Variants in TAGLN2 observed in about 807,000 individuals in gnomAD.
The protein encoded by TAGLN2 is transgelin-2.
In TAGLN2, 14 loss-of-function variants were observed where a neutral mutation model predicts 24.9. The ratio of observed to expected loss-of-function variants is 0.56; its 90% CI spans 0.37 to 0.88. TAGLN2 has a LOEUF of 0.88. Among genes scored for constraint, TAGLN2 ranks in the 40% least tolerant of loss-of-function variants. The probability of loss-of-function intolerance (pLI) is 0.00; values close to 1 mark genes in which losing one functional copy is unlikely to be tolerated. For synonymous variants in TAGLN2, 77 were observed against 98.2 expected (o/e 0.78, Z 1.28); for missense variants, 208 against 258.9 (o/e 0.80, Z 1.35).
intron 1 of TAGLN2, among the ~76,000 whole-genome samples, chr1:159,921,262 A>G (rs533190929): frequency 6.6e-6 from 1 of 152,350 alleles, no homozygotes; most frequent in East Asian, 1.9e-4. Context: ...AGATGTGATT[A>G]AGATCTCGAA....
At chr1:159,921,775 C>T (rs1186690973) in intron 1 of TAGLN2, among the ~76,000 whole-genome samples, 3 of 152,192 alleles carry the variant, frequency 2.0e-5, no homozygotes, top group African/African-American at 7.2e-5. Flanking sequence ...CCTGAGTTGG[C>T]GGACCTCACT....
In TAGLN2 at chr1:159,918,613, G is replaced by A. The variant is rs562868802; in HGVS notation, c.*187C>T. 7 of 777,164 alleles carry A rather than the reference G, an allele frequency of 9.0e-6. No individual in the cohort carries two copies. Among genetic ancestry groups the A allele is most frequent in the South Asian group, 1.8e-5 (1 of 54,054 alleles). 48.1% of individuals were successfully genotyped at this position (777,164 alleles called of 1,614,324 possible). On this transcript the variant is annotated 3_prime_UTR_variant, in exon 5 of 5. Transcript: ENST00000368097. ...TTTTGATGGCTATGGGGAAGGGAATGTATTAGTAAGCATGGGGGAGAGGAT... is the reference window on the plus strand; with the variant it reads ...TTTTGATGGCTATGGGGAAGGGAATATATTAGTAAGCATGGGGGAGAGGAT...
Position 159,918,777 on chromosome 1 carries a change from C to G in TAGLN2, c.*23G>C, listed in dbSNP as rs1324480453. 3 of 1,610,892 alleles carry G rather than the reference C, an allele frequency of 1.9e-6. No individual in the cohort carries two copies. Among genetic ancestry groups the G allele is most frequent in the South Asian group, 2.2e-5 (2 of 90,790 alleles). On this transcript the variant is annotated 3_prime_UTR_variant, in exon 5 of 5. Transcript: ENST00000368097. ...TATATATTAACCATTCGTGGGAGGG[C>G]AGGGGCAAGGCCTGGGGTGGGATCA...
chr1:159,924,576 GGTC>G (rs1357811677), intron 1 of TAGLN2: 1 of 152,282 alleles, frequency 6.6e-6, no homozygotes, highest in African/African-American at 2.4e-5. Flanking sequence ...CGGTCCTGCA[GGTC>G]CGGCCTCCCA....
intron 1 of TAGLN2, chr1:159,923,716 C>A (rs1027816132): frequency 7.1e-6 from 3 of 425,530 alleles, no homozygotes; most frequent in African/African-American, 6.1e-5. Context: ...CCCTCACCAC[C>A]GAGAGTCAGG....
At chr1:159,922,867 G>A (rs1312074932) in intron 1 of TAGLN2, among the ~76,000 whole-genome samples, 2 of 152,240 alleles carry the variant, frequency 1.3e-5, no homozygotes, top group Non-Finnish European at 2.9e-5. Flanking sequence ...GAAAGTGGAT[G>A]CTGAGGAACC....
At position 159,923,479 on chromosome 1, in the gene TAGLN2, G is replaced by A. The variant is rs1454668739; in HGVS notation, c.-29+1971C>T. On this transcript the variant is annotated intron_variant, in intron 1 of 4. Coordinates refer to ENST00000368097, the MANE Select transcript of TAGLN2 (RefSeq NM_003564.3). ...AAAGAAAAGGCGGACATGGGTGGGG[G>A]CAGGGAGGACTTCAGGGTTCTTGGC... 2.6e-6 allele frequency: 4 copies of A among 1,549,798 alleles called. No individual in the cohort carries two copies. In the South Asian group the frequency reaches 3.6e-5, roughly 14 times the overall value.
chr1:159,922,940 T>C (rs1650583438), intron 1 of TAGLN2, among the ~76,000 whole-genome samples: 1 of 152,164 alleles, frequency 6.6e-6, no homozygotes, highest in Non-Finnish European at 1.5e-5. Flanking sequence ...CCAGCTGCAG[T>C]GTATCTGCTC....
chr1:159,923,401 C>G, intron 1 of TAGLN2: 1 of 1,547,288 alleles, frequency 6.5e-7, no homozygotes, highest in Non-Finnish European at 8.7e-7. Flanking sequence ...ACGCAAGGCA[C>G]TCGGCCCCAC....
chr1:159,923,681 A>C, intron 1 of TAGLN2: 18 of 453,890 alleles, frequency 4.0e-5, no homozygotes, highest in Admixed American at 8.1e-5. Context: ...GCGGCCCACA[A>C]TTAAGGGAAC....
chr1:159,923,508 G>C, intron 1 of TAGLN2: 1 of 1,542,802 alleles, frequency 6.5e-7, no homozygotes, highest in Non-Finnish European at 8.7e-7. Context: ...TCTTGGCTAG[G>C]GTGTTTAATT....
intron 1 of TAGLN2, among the ~76,000 whole-genome samples, chr1:159,922,815 C>A (rs939419281): frequency 1.3e-5 from 2 of 152,212 alleles, no homozygotes; most frequent in African/African-American, 4.8e-5. Flanking sequence ...CCCAACCCCC[C>A]AAGGCAGGAC....
At chr1:159,921,644 G>A (rs1163652638) in intron 1 of TAGLN2, among the ~76,000 whole-genome samples, 3 of 152,228 alleles carry the variant, frequency 2.0e-5, no homozygotes, top group African/African-American at 4.8e-5. Context: ...AGGAGCCCTG[G>A]GTGATATTTT....
intron 4 of TAGLN2, 63 bp downstream of exon 4, chr1:159,919,211 G>A: frequency 6.6e-7 from 1 of 1,506,726 alleles, no homozygotes. Context: ...TTATTTCCTA[G>A]GGACAGGATT....
intron 1 of TAGLN2, among the ~76,000 whole-genome samples, chr1:159,922,879 C>G (rs973960420): frequency 6.6e-6 from 1 of 152,244 alleles, no homozygotes; most frequent in South Asian, 2.1e-4. Flanking sequence ...TGAGGAACCC[C>G]CTCCACCGCC....
Position 159,918,873 on chromosome 1 carries a change from A to G in TAGLN2, c.527T>C (p.Leu176Ser). Residue 176 changes from leucine (L) to serine (S), a missense_variant, in exon 5 of 5, where the codon TTA becomes TCA. Transcript: ENST00000368097. ...QLQEGKNVIG[L>S]QMGTNRGASQ... ...CGCCCCGCGGTTGGTGCCCATCTGT[A>G]ACCCGATCACGTTCTTGCCCTCTTG... 6.2e-7 allele frequency: 1 copy of G among 1,614,220 alleles called. No individual in the cohort carries two copies. The highest frequency in any genetic ancestry group is 8.5e-7 in the Non-Finnish European group (1 of 1,180,042).
rs61747412 is a variant in TAGLN2, at chr1:159,919,815, A to G, written c.201T>C (p.Asn67=). 1,059 of 1,614,116 alleles carry G rather than the reference A, an allele frequency of 6.6e-4. 12 individuals carry two copies. The African/African-American group carries it at 0.012, about 19-fold the overall frequency. The change falls in exon 3 of 5, where the codon AAT becomes AAC. Residue 67 remains asparagine, a synonymous_variant. Transcript: ENST00000368097. The part of the protein sequence containing the change: ...KDGTVLCELI[N]ALYPEGQAPV... ...GGGCCTGCCCCTCGGGGTACAGTGC[A>G]TTAATGAGCTCACATAGCACCTGGA...
At chr1:159,920,265 C>T in intron 2 of TAGLN2, 65 bp downstream of exon 2, 2 of 1,612,802 alleles carry the variant, frequency 1.2e-6, no homozygotes, top group Non-Finnish European at 1.7e-6. Context: ...GTTAAACAAT[C>T]CCCAGTCCAC....
intron 1 of TAGLN2, among the ~76,000 whole-genome samples, chr1:159,921,717 G>A (rs74534466): frequency 2.6e-5 from 4 of 152,222 alleles, no homozygotes; most frequent in South Asian, 2.1e-4. Context: ...CTTTAACTTC[G>A]TTGGAGGAGC....
Sources: allele counts gnomAD v4.1 joint callset (sites outside exome capture counted in the v4.1 genomes callset), GRCh38; gene constraint gnomAD v4.1.1; transcripts MANE v1.5; gene names NCBI Gene and HGNC (gene_info 2026-07-23, HGNC 2026-07-21).